KLK1: variants seen among roughly 807,000 people sequenced by gnomAD.
KLK1 encodes the protein kallikrein 1.
KLK1 carries 22 observed loss-of-function variants against 23.3 expected under a neutral mutation model. The ratio of observed to expected loss-of-function variants is 0.95; its 90% CI spans 0.68 to 1.35. The LOEUF is 1.35. KLK1 is among the 40% of genes most tolerant of loss of function. KLK1 has a pLI of 0.00. For missense variants in KLK1, 301 were observed against 338.9 expected, an observed-to-expected ratio of 0.89 and a Z score of 0.88; for synonymous variants, 140 against 135.8, an observed-to-expected ratio of 1.03 and a Z score of -0.21.
chr19:50,823,659 G>T, intron 1 of KLK1, 44 bp downstream of exon 1: 1 of 1,357,904 alleles, frequency 7.4e-7, no homozygotes, highest in Non-Finnish European at 1.0e-6. Context: ...GCCAGCAAGA[G>T]AATCAGGGCC....
At chr19:50,820,574 A>C in intron 2 of KLK1, 131 bp from the exon 3 acceptor site, 1 of 660,848 alleles carries the variant, frequency 1.5e-6, no homozygotes, top group Admixed American at 2.9e-5. Context: ...AGACAGAGGA[A>C]GAAAGATATA....
At position 50,820,230 on chromosome 19, in the gene KLK1, C is replaced by T; in HGVS notation, c.420G>A (p.Val140=). ...ADTITDAVKV[V]ELPTEEPEVG... is the part of the protein sequence containing the mutation. ...CTTCGGGTTCCTCGGTGGGCAACTCCACGACCTTCACAGCATCTGTGATGG... is the reference window on the plus strand; with the variant it reads ...CTTCGGGTTCCTCGGTGGGCAACTCTACGACCTTCACAGCATCTGTGATGG... The change falls in exon 3 of 5, where the codon GTG becomes GTA. Residue 140 remains valine, a synonymous_variant. Transcript: ENST00000301420. The T allele has an allele frequency of 6.2e-7, 1 of 1,613,154 alleles. No individual in the cohort carries two copies. The highest frequency in any genetic ancestry group is 1.1e-5 in the South Asian group (1 of 91,044).
At chr19:50,820,905 G>C (rs2089824617) in intron 2 of KLK1, 1 of 150,416 alleles carries the variant, frequency 6.6e-6, no homozygotes, top group South Asian at 2.1e-4. Context: ...GAGTGACCGA[G>C]TGTGGGAGAG....
intron 1 of KLK1, chr19:50,822,786 G>T (rs1344396745): frequency 1.0e-6 from 1 of 984,162 alleles, no homozygotes; most frequent in Non-Finnish European, 1.2e-6. Flanking sequence ...CTAGGAAGAG[G>T]ATTGGAGAAG....
rs1568479976 is a variant in KLK1 at position 50,820,234 on chromosome 19, A to G, written c.416T>C (p.Val139Ala). The G allele has an allele frequency of 3.7e-6, 6 of 1,613,300 alleles. No homozygotes were observed. The highest frequency in any genetic ancestry group is 5.1e-6 in the Non-Finnish European group (6 of 1,179,582). Residue 139 changes from valine to alanine, a missense_variant, in exon 3 of 5, where the codon GTC becomes GCC. Physicochemically the swap from Val to Ala is moderately conservative, Grantham distance 64. Transcript: ENST00000301420. ...GGGTTCCTCGGTGGGCAACTCCACG[A>G]CCTTCACAGCATCTGTGATGGTATC... ...PADTITDAVK[V>A]VELPTEEPEV...
chr19:50,820,543 G>C, intron 2 of KLK1, 100 bp from the exon 3 acceptor site: 3 of 872,806 alleles, frequency 3.4e-6, no homozygotes, highest in Non-Finnish European at 3.6e-6. Context: ...GAAAGGGAAA[G>C]AGAAAAATGT....
intron 1 of KLK1, chr19:50,822,444 T>G: frequency 2.0e-6 from 2 of 985,584 alleles, no homozygotes; most frequent in Non-Finnish European, 2.4e-6. Context: ...TTGGGGTCCC[T>G]ACATTGGGGT....
Position 50,820,296 on chromosome 19 carries a change from G to T in KLK1, c.354C>A (p.Ser118Arg). ...TCAGGCGGAGCAGCATGAGGTCGTG[G>T]CTGTAGTCCTCGTCTGCTTGGCGGG... ...NHTRQADEDY[S>R]HDLMLLRLTE... The change falls in exon 3 of 5, where the codon AGC becomes AGA. Residue 118 changes from serine to arginine, a missense_variant. Ser to Arg is a moderately radical substitution (Grantham distance 110). Transcript: ENST00000301420. 6.2e-7 allele frequency: 1 copy of T among 1,614,090 alleles called. No homozygotes were observed.
chr19:50,823,777 G>A lies in KLK1; in HGVS notation c.-29C>T. On this transcript the variant is annotated 5_prime_UTR_variant, in exon 1 of 5. Transcript: ENST00000301420. Reference sequence around the variant, plus strand: ...GACAGAGGTGTCCAGGGGCCAGCAGGTGGAGGAACTGGGGAACCTCCCTGG... The same window carrying A: ...GACAGAGGTGTCCAGGGGCCAGCAGATGGAGGAACTGGGGAACCTCCCTGG... 6.2e-7 allele frequency: 1 copy of A among 1,602,468 alleles called. No homozygotes were observed. Among genetic ancestry groups the A allele is most frequent in the East Asian group, 2.2e-5 (1 of 44,700 alleles).
intron 1 of KLK1, 64 bp downstream of exon 1, chr19:50,823,639 G>T: frequency 9.1e-7 from 1 of 1,095,144 alleles, no homozygotes; most frequent in Non-Finnish European, 1.4e-6. Context: ...TTATCGGGGG[G>T]GGATGTGAGG....
chr19:50,823,165 G>A (rs2089838459), intron 1 of KLK1, among the ~76,000 whole-genome samples: 1 of 152,106 alleles, frequency 6.6e-6, no homozygotes, highest in South Asian at 2.1e-4. Flanking sequence ...GAAATTTGGG[G>A]GACCCTGGAA....
intron 2 of KLK1, 68 bp from the exon 3 acceptor site, chr19:50,820,511 T>TGTGTTG: frequency 7.4e-6 from 1 of 135,884 alleles, no homozygotes; most frequent in Non-Finnish European, 1.5e-5. Context: ...CAGGGGAGCA[T>TGTGTTG]GGGGGAGGGT....
rs3212824 is a variant in KLK1, at chr19:50,822,309, G to C, written c.47-438C>G. 311 of 991,872 alleles carry C rather than the reference G, an allele frequency of 3.1e-4. 1 individual carries two copies. The African/African-American group carries it at 4.8e-3, about 15-fold the overall frequency. The allele number at this position is 991,872 out of a possible 1,614,324, so 61.4% of individuals were successfully genotyped here. A position where few individuals can be genotyped will look rare whatever the true frequency, so the allele number is the denominator to read the frequency against. On this transcript the variant is annotated intron_variant, in intron 1 of 4. Transcript: ENST00000301420. ...ACTGAGGAAGAATCTGGAGGGCTAA[G>C]GGGCTCCTAGGCTAGGGAAACAGGA...
At chr19:50,823,598 G>T (rs532260986) in intron 1 of KLK1, 105 bp downstream of exon 1, 9 of 706,292 alleles carry the variant, frequency 1.3e-5, no homozygotes, top group Non-Finnish European at 2.2e-5. Context: ...TGGGCCAGAG[G>T]GATGAGGGTG....
chr19:50,823,170 C>A (rs946926039), intron 1 of KLK1, among the ~76,000 whole-genome samples: 3 of 152,048 alleles, frequency 2.0e-5, no homozygotes, highest in African/African-American at 7.3e-5. Context: ...TTGGGGGACC[C>A]TGGAAGGACT....
chr19:50,819,991 G>C lies in KLK1; in HGVS notation c.541C>G (p.Pro181Ala). 6.2e-7 allele frequency: 1 copy of C among 1,614,174 alleles called. No homozygotes were observed. Among genetic ancestry groups the C allele is most frequent in the Non-Finnish European group, 8.5e-7 (1 of 1,179,990 alleles). ...DLQCVDLKIL[P>A]NDECKKAHVQ... ...TGGGCTTTTTTGCACTCATCATTAG[G>C]CAGGATTTTGAGGTCCACACACTGG... is the stretch of plus-strand genomic sequence containing the variant. Residue 181 changes from proline to alanine, a missense_variant, in exon 4 of 5, where the codon CCT (proline) becomes GCT (alanine). Pro to Ala is a conservative substitution (Grantham distance 27, BLOSUM62 -1). Coordinates refer to ENST00000301420, the MANE Select transcript of KLK1 (RefSeq NM_002257.4).
chr19:50,820,174 C>G lies in KLK1; in HGVS notation c.476G>C (p.Gly159Ala). Reference protein sequence around the residue: ...VGSTCLASGWGSIEPENFSFP... With the variant: ...VGSTCLASGWASIEPENFSFP... ...CATACAATTCTCTGGTTCGATGCTG[C>G]CCCAGCCGGAAGCCAAACAGGTGCT... is the stretch of plus-strand genomic sequence containing the variant. Residue 159 changes from glycine to alanine, a missense_variant, in exon 3 of 5, where the codon GGC (glycine) becomes GCC (alanine). By Grantham distance (60) the Gly-to-Ala change is moderately conservative (BLOSUM62 0). Transcript: ENST00000301420. 1 of 1,604,176 alleles carries G rather than the reference C, an allele frequency of 6.2e-7. No individual in the cohort carries two copies. The highest frequency in any genetic ancestry group is 8.5e-7 in the Non-Finnish European group (1 of 1,173,208).
Position 50,820,323 on chromosome 19 carries a change from G to A in KLK1, c.327C>T (p.His109=), listed in dbSNP as rs2089818144. Residue 109 remains histidine, a synonymous_variant, in exon 3 of 5, where the codon CAC becomes CAT. Coordinates refer to ENST00000301420, the MANE Select transcript of KLK1 (RefSeq NM_002257.4). ...TGTAGTCCTCGTCTGCTTGGCGGGT[G>A]TGGTTCTCCAGGAGGCTCATGTTGA... ...PGFNMSLLEN[H]TRQADEDYSH... The A allele has an allele frequency of 1.9e-6, 3 of 1,613,914 alleles. No homozygotes were observed. Among genetic ancestry groups the A allele is most frequent in the African/African-American group, 1.3e-5 (1 of 74,858 alleles).
rs373004478 is a variant in KLK1, at chr19:50,822,626, C to G, written c.47-755G>C. 17 of 984,988 alleles carry G rather than the reference C, an allele frequency of 1.7e-5. 1 individual carries two copies. The South Asian group carries it at 5.7e-4, about 33-fold the overall frequency. The allele number at this position is 984,988 out of a possible 1,614,324, so 61.0% of individuals were successfully genotyped here. A position where few individuals can be genotyped will look rare whatever the true frequency, so the allele number is the denominator to read the frequency against. ...GGTTGGGGCCCTGAGAACACAGTTG[C>G]GGTCAGGACTGGGACGGGGCTCAGG... On this transcript the variant is annotated intron_variant, in intron 1 of 4. Coordinates refer to ENST00000301420, the MANE Select transcript of KLK1 (RefSeq NM_002257.4).
Sources: allele counts gnomAD v4.1 joint callset (sites outside exome capture counted in the v4.1 genomes callset), GRCh38; gene constraint gnomAD v4.1.1; transcripts MANE v1.5; gene names NCBI Gene and HGNC (gene_info 2026-07-23, HGNC 2026-07-21).